SLC61A1: variants seen among roughly 807,000 people sequenced by gnomAD.
SLC61A1 encodes solute carrier family 61 member 1.
chr12:53,252,131 G>C, the SLC61A1 span: 12 of 1,440,962 alleles, frequency 8.3e-6, no homozygotes, highest in African/African-American at 1.4e-5. Context: ...CCAGAGGCCT[G>C]CCCGGCTCCC....
At chr12:53,253,134 A>G in the SLC61A1 span, 3 of 1,614,156 alleles carry the variant, frequency 1.9e-6, no homozygotes, top group Non-Finnish European at 2.5e-6. Flanking sequence ...TCCCTTGTGG[A>G]TTGGCTGGGT....
chr12:53,254,207 T>C, the SLC61A1 span: 5 of 1,607,282 alleles, frequency 3.1e-6, no homozygotes, highest in South Asian at 5.5e-5. Flanking sequence ...CAGGACAAGA[T>C]AGCTGGGACA....
chr12:53,253,589 T>C, the SLC61A1 span: 757,453 of 1,613,716 alleles, frequency 0.47, 180,588 homozygotes, highest in South Asian at 0.58. Context: ...CGTGCTGCTG[T>C]TGGGCACCAT....
chr12:53,253,310 C>T, the SLC61A1 span: 15 of 1,614,136 alleles, frequency 9.3e-6, no homozygotes, highest in East Asian at 8.9e-5. Context: ...GCACGTGGAA[C>T]GGCATGACTT....
chr12:53,252,406 C>T, the SLC61A1 span: 14 of 1,292,812 alleles, frequency 1.1e-5, no homozygotes, highest in African/African-American at 1.5e-4. Flanking sequence ...CTCGAGAGGC[C>T]TGCGCGGGTG....
At chr12:53,251,434 G>A in the SLC61A1 span, 29 of 400,116 alleles carry the variant, frequency 7.2e-5, no homozygotes, top group Admixed American at 1.2e-3. Context: ...CTGTAGAGAG[G>A]TTAAATAGTT....
At chr12:53,252,552 G>C in the SLC61A1 span, 4 of 1,373,456 alleles carry the variant, frequency 2.9e-6, no homozygotes, top group African/African-American at 5.8e-5. Flanking sequence ...CGGGATTATT[G>C]AAAGGGACTC....
the SLC61A1 span, chr12:53,253,598 A>C: frequency 6.2e-7 from 1 of 1,613,902 alleles, no homozygotes; most frequent in Non-Finnish European, 8.5e-7. Flanking sequence ...GTTGGGCACC[A>C]TACAAGCTCT....
the SLC61A1 span, chr12:53,251,808 G>T: frequency 6.5e-7 from 1 of 1,537,304 alleles, no homozygotes; most frequent in Non-Finnish European, 8.7e-7. Context: ...CTGTTCCTTA[G>T]GAAGCTCCAA....
At chr12:53,252,433 C>T in the SLC61A1 span, 3 of 1,286,404 alleles carry the variant, frequency 2.3e-6, no homozygotes, top group South Asian at 2.0e-5. Context: ...ATGCCCGGGA[C>T]AGAGGATGAG....
the SLC61A1 span, chr12:53,251,442 G>T: frequency 2.4e-6 from 1 of 422,002 alleles, no homozygotes; most frequent in Non-Finnish European, 4.2e-6. Flanking sequence ...AGGTTAAATA[G>T]TTTTTCCAAG....
the SLC61A1 span, chr12:53,252,026 C>T: frequency 6.6e-7 from 1 of 1,520,060 alleles, no homozygotes; most frequent in Non-Finnish European, 8.8e-7. Flanking sequence ...GTCAGGAGTT[C>T]CGCGCCCGGG....
At chr12:53,251,859 T>A in the SLC61A1 span, 1 of 1,537,304 alleles carries the variant, frequency 6.5e-7, no homozygotes, top group Non-Finnish European at 8.7e-7. Flanking sequence ...TCCCGAGCAC[T>A]GCACGGAAGA....
chr12:53,253,574 C>T, the SLC61A1 span: 6 of 1,613,930 alleles, frequency 3.7e-6, no homozygotes, highest in Non-Finnish European at 4.2e-6. Context: ...CCTGTCGGAC[C>T]GCCGCGTGCT....
chr12:53,252,180 C>G, the SLC61A1 span: 1 of 1,420,980 alleles, frequency 7.0e-7, no homozygotes, highest in South Asian at 1.5e-5. Flanking sequence ...TGCTGGAACC[C>G]GAGCCGGAGC....
the SLC61A1 span, chr12:53,253,450 G>A: frequency 6.2e-7 from 1 of 1,614,086 alleles, no homozygotes; most frequent in South Asian, 1.1e-5. Context: ...CGCCCTTTGT[G>A]GCTGCCATCC....
the SLC61A1 span, chr12:53,252,258 C>T: frequency 2.1e-6 from 3 of 1,401,186 alleles, no homozygotes; most frequent in African/African-American, 4.6e-5. Flanking sequence ...CCCCGCAGAC[C>T]GGGGCAGCAG....
chr12:53,253,438 A>G, the SLC61A1 span: 4 of 1,613,998 alleles, frequency 2.5e-6, no homozygotes, highest in Admixed American at 3.3e-5. Context: ...TGGGGCCTGT[A>G]GCGCCCTTTG....
the SLC61A1 span, chr12:53,252,106 C>A: frequency 1.4e-6 from 2 of 1,449,730 alleles, no homozygotes; most frequent in Non-Finnish European, 1.8e-6. Context: ...CGTGATGAAG[C>A]CATCATGGCG....
Sources: gnomAD v4.1 joint callset for allele counts on GRCh38, gnomAD v4.1.1 for gene constraint, MANE v1.5 for transcripts, NCBI Gene and HGNC (gene_info 2026-07-23, HGNC 2026-07-21) for gene names.